ACADL: variants seen among roughly 807,000 people sequenced by gnomAD.
ACADL encodes the protein acyl-CoA dehydrogenase long chain.
In ACADL, 60 loss-of-function variants were observed where a neutral mutation model predicts 56.9. The ratio of observed to expected loss-of-function variants is 1.05; its 90% CI spans 0.86 to 1.31. The LOEUF is 1.31. ACADL is among the 50% of genes most tolerant of loss of function. The probability of loss-of-function intolerance (pLI) is 0.00; values close to 1 mark genes in which losing one functional copy is unlikely to be tolerated. For synonymous variants in ACADL, 158 were observed against 179.7 expected, an observed-to-expected ratio of 0.88 and a Z score of 0.97; for missense variants, 484 against 525.5, an observed-to-expected ratio of 0.92 and a Z score of 0.77.
chr2:210,224,973 C>G, intron 1 of ACADL: 3 of 1,382,514 alleles, frequency 2.2e-6, no homozygotes, highest in Non-Finnish European at 2.8e-6. Flanking sequence ...CTCGGGGCGG[C>G]ACGGCTGACA....
At position 210,205,779 on chromosome 2, in the gene ACADL, C is replaced by A. The variant is rs150844488; in HGVS notation, c.621G>T (p.Gly207=). 1.0e-3 allele frequency: 1,692 copies of A among 1,613,958 alleles called. 10 individuals are homozygous for A. The highest frequency in any genetic ancestry group is 6.8e-3 in the South Asian group (618 of 91,070). Residue 207 remains glycine (G), a synonymous_variant, in exon 6 of 11, where the codon GGG becomes GGT. Coordinates refer to ENST00000233710, the MANE Select transcript of ACADL (RefSeq NM_001608.4). The part of the protein sequence containing the change: ...LNGSKVFISN[G]SLSDVVIVVA... ...CTACAATCACAACATCACTTAATGACCCATTACTGATGAACACCTGCAAAA... is the reference window on the plus strand; with the variant it reads ...CTACAATCACAACATCACTTAATGAACCATTACTGATGAACACCTGCAAAA...
intron 9 of ACADL, among the ~76,000 whole-genome samples, chr2:210,194,762 A>C (rs1444225939): frequency 6.6e-6 from 1 of 152,158 alleles, no homozygotes; most frequent in Non-Finnish European, 1.5e-5. Context: ...GGATGGAATT[A>C]AGTTTAATTA....
At chr2:210,216,311 T>A in intron 4 of ACADL, 36 bp downstream of exon 4, 1 of 1,611,024 alleles carries the variant, frequency 6.2e-7, no homozygotes, top group South Asian at 1.1e-5. Flanking sequence ...AAGGCACTGC[T>A]TCCAAGAATC....
At chr2:210,225,040 G>C (rs1689246138) in intron 1 of ACADL, 147 bp downstream of exon 1, 4 of 1,474,214 alleles carry the variant, frequency 2.7e-6, no homozygotes, top group South Asian at 1.3e-5. Context: ...TCCAGGAAAG[G>C]AGGCCAGCTC....
rs764722355 is a variant in ACADL, at chr2:210,220,674, T to TG, written c.205dup (p.Gln69ProfsTer19). ...TGAGTGATGAGGAATCACTTCTTCTTGGAAAAACTTCCTTACACTTTTCCG... is the reference window on the plus strand; with the variant it reads ...TGAGTGATGAGGAATCACTTCTTCTTGGGAAAAACTTCCTTACACTTTTCCG... On this transcript the variant is annotated frameshift_variant, in exon 2 of 11. Transcript: ENST00000233710. LOFTEE classifies it high-confidence loss of function. 6.2e-7 allele frequency: 1 copy of TG among 1,613,444 alleles called. No individual in the cohort carries two copies. Among genetic ancestry groups the TG allele is most frequent in the Non-Finnish European group, 8.5e-7 (1 of 1,179,694 alleles).
At position 210,192,825 on chromosome 2, in the gene ACADL, A is replaced by C; in HGVS notation, c.1178T>G (p.Met393Arg). The part of the protein sequence containing the change: ...CVQLHGGWGY[M>R]WEYPIAKAYV... Reference sequence around the variant, plus strand: ...TTACTTTGCAATTGGGTACTCCCACATGTATCCCCAACCTCCATGGAGCTG... The same window carrying C: ...TTACTTTGCAATTGGGTACTCCCACCTGTATCCCCAACCTCCATGGAGCTG... Residue 393 changes from methionine to arginine, a missense_variant, in exon 10 of 11, where the codon ATG (methionine) becomes AGG (arginine). Transcript: ENST00000233710. 1 of 1,613,704 alleles carries C rather than the reference A, an allele frequency of 6.2e-7. No individual in the cohort carries two copies. The highest frequency in any genetic ancestry group is 1.3e-5 in the African/African-American group (1 of 75,048).
At chr2:210,198,449 C>G (rs948954368) in intron 8 of ACADL, among the ~76,000 whole-genome samples, 2 of 152,128 alleles carry the variant, frequency 1.3e-5, no homozygotes, top group East Asian at 3.8e-4. Context: ...ATTCCTCTCC[C>G]TAATTCTTTA....
Position 210,210,187 on chromosome 2 carries a change from T to G in ACADL, c.603+9A>C. The G allele has an allele frequency of 1.9e-6, 3 of 1,608,542 alleles. No homozygotes were observed. The highest frequency in any genetic ancestry group is 2.6e-6 in the Non-Finnish European group (3 of 1,175,094). ...AAAAGAAGGGCTATAGAAGTCCTTTTTTACACACCTTGCTTCCATTGAGAA... is the reference window on the plus strand; with the variant it reads ...AAAAGAAGGGCTATAGAAGTCCTTTGTTACACACCTTGCTTCCATTGAGAA... On this transcript the variant is annotated intron_variant, in intron 5 of 10. Transcript: ENST00000233710.
intron 1 of ACADL, among the ~76,000 whole-genome samples, chr2:210,222,808 C>T: frequency 6.6e-6 from 1 of 152,296 alleles, no homozygotes; most frequent in East Asian, 1.9e-4. Context: ...GGGACCTTGA[C>T]CATTGTCCTG....
chr2:210,205,185 C>A (rs1688863022), intron 6 of ACADL, among the ~76,000 whole-genome samples: 1 of 151,988 alleles, frequency 6.6e-6, no homozygotes, highest in Non-Finnish European at 1.5e-5. Context: ...TGCCACCACA[C>A]CCAGCTAATT....
At position 210,188,184 on chromosome 2, in the gene ACADL, TAATA is replaced by T. The variant is rs1428853272; in HGVS notation, c.*773_*776del. 2 of 152,262 alleles carry T rather than the reference TAATA, an allele frequency of 1.3e-5. No homozygotes were observed. The highest frequency in any genetic ancestry group is 1.5e-5 in the Non-Finnish European group (1 of 68,052). The allele number at this position is 152,262 out of a possible 1,614,324, so 9.4% of individuals were successfully genotyped here. A position where few individuals can be genotyped will look rare whatever the true frequency, so the allele number is the denominator to read the frequency against. ...AGAAGACATAAAGTAATTATTAAGTTAATAAATACATTAACTGTTGCAAAAGAAA... is the reference window on the plus strand; with the variant it reads ...AGAAGACATAAAGTAATTATTAAGTTAATACATTAACTGTTGCAAAAGAAA... On this transcript the variant is annotated 3_prime_UTR_variant, in exon 11 of 11. Coordinates refer to ENST00000233710, the MANE Select transcript of ACADL (RefSeq NM_001608.4).
chr2:210,198,927 A>G (rs1286695518), intron 8 of ACADL, among the ~76,000 whole-genome samples: 1 of 152,138 alleles, frequency 6.6e-6, no homozygotes, highest in African/African-American at 2.4e-5. Context: ...CCTAATAATT[A>G]TTGCTACATC....
At chr2:210,215,244 A>G (rs964571463) in intron 4 of ACADL, among the ~76,000 whole-genome samples, 1 of 151,898 alleles carries the variant, frequency 6.6e-6, no homozygotes, top group East Asian at 1.9e-4. Context: ...GAGAAAGATT[A>G]CTTTGTGTTC....
Position 210,210,188 on chromosome 2 carries a change from T to C in ACADL, c.603+8A>G. ...AAAGAAGGGCTATAGAAGTCCTTTT[T>C]TACACACCTTGCTTCCATTGAGAAT... On this transcript the variant is annotated splice_region_variant and intron_variant, in intron 5 of 10. Coordinates refer to ENST00000233710, the MANE Select transcript of ACADL (RefSeq NM_001608.4). 1 of 1,609,052 alleles carries C rather than the reference T, an allele frequency of 6.2e-7. No homozygotes were observed. The highest frequency in any genetic ancestry group is 1.7e-5 in the Admixed American group (1 of 59,992).
chr2:210,213,072 G>A (rs1019352772), intron 4 of ACADL, among the ~76,000 whole-genome samples: 1 of 152,226 alleles, frequency 6.6e-6, no homozygotes, highest in African/African-American at 2.4e-5. Context: ...GGCAGAGGGT[G>A]CCTATATGAC....
intron 4 of ACADL, among the ~76,000 whole-genome samples, chr2:210,212,463 G>A (rs1241354259): frequency 1.3e-5 from 2 of 151,968 alleles, no homozygotes; most frequent in African/African-American, 4.8e-5. Flanking sequence ...GAAAGGAGTG[G>A]ATCCTCCCCT....
At chr2:210,194,797 A>G (rs558133858) in intron 9 of ACADL, among the ~76,000 whole-genome samples, 2 of 152,192 alleles carry the variant, frequency 1.3e-5, no homozygotes, top group African/African-American at 4.8e-5. Flanking sequence ...AAGAATTTGG[A>G]CTCTATCTCA....
intron 5 of ACADL, among the ~76,000 whole-genome samples, chr2:210,206,710 C>T (rs1427203674): frequency 6.6e-6 from 1 of 152,138 alleles, no homozygotes; most frequent in East Asian, 1.9e-4. Flanking sequence ...CTGCATCTTT[C>T]CTGGTTCATC....
intron 4 of ACADL, among the ~76,000 whole-genome samples, chr2:210,213,998 T>G (rs554068948): frequency 6.7e-6 from 1 of 150,168 alleles, no homozygotes; most frequent in African/African-American, 2.4e-5. Context: ...CTGGGAAATA[T>G]AGCGAGACCC....
Sources: gnomAD v4.1 joint callset for allele counts (sites outside exome capture counted in the v4.1 genomes callset) on GRCh38, gnomAD v4.1.1 for gene constraint, MANE v1.5 for transcripts, NCBI Gene and HGNC (gene_info 2026-07-23, HGNC 2026-07-21) for gene names.